Variants in HSPA12B observed in about 807,000 individuals in gnomAD.
HSPA12B encodes the protein heat shock 70 kDa protein 12B.
In HSPA12B, 54 loss-of-function variants were observed where a neutral mutation model predicts 69.3. The ratio of observed to expected loss-of-function variants is 0.78; its 90% CI spans 0.63 to 0.98. The LOEUF is 0.98. HSPA12B is among the 50% of genes least tolerant of loss of function. The pLI, the probability that HSPA12B is intolerant of heterozygous loss-of-function variation, is 0.00. For synonymous variants in HSPA12B, 441 were observed against 436.5 expected, an observed-to-expected ratio of 1.01 and a Z score of -0.13; for missense variants, 929 against 999.8, an observed-to-expected ratio of 0.93 and a Z score of 0.96.
chr20:3,737,186 A>G lies in HSPA12B; in HGVS notation c.-17-1472A>G, dbSNP rs781251558. Among the ~76,000 whole-genome samples, 4 of 152,230 alleles carry G rather than the reference A, an allele frequency of 2.6e-5. No individual in the cohort carries two copies. The highest frequency in any genetic ancestry group is 4.4e-5 in the Non-Finnish European group (3 of 68,040). ...TCTAACAAGCTTCCAGGTGATACCAATGCTGCTGATCCTCAGCCCACACTT... is the reference window on the plus strand; with the variant it reads ...TCTAACAAGCTTCCAGGTGATACCAGTGCTGCTGATCCTCAGCCCACACTT... On this transcript the variant is annotated intron_variant, in intron 1 of 12. Coordinates refer to ENST00000254963, the MANE Select transcript of HSPA12B (RefSeq NM_052970.5). This position sits in a 1 kb window ranked among gnomAD's most constrained non-coding sequence, Gnocchi z 4.1.
Position 3,748,242 on chromosome 20 carries a change from C to T in HSPA12B, c.701C>T (p.Ala234Val). ...GCTGGACTAGTGTCCCGAGAGAATG[C>T]AGAGCAGCTACTCATCGCCCTGGAG... ...YLAGLVSRENAEQLLIALEPE... is the reference protein window; with the variant it reads ...YLAGLVSRENVEQLLIALEPE... Residue 234 changes from alanine (A) to valine (V), a missense_variant, in exon 8 of 13, where the codon GCA becomes GTA. By Grantham distance (64) the Ala-to-Val change is moderately conservative. Coordinates refer to ENST00000254963, the MANE Select transcript of HSPA12B (RefSeq NM_052970.5). The T allele has an allele frequency of 6.3e-7, 1 of 1,589,660 alleles. No individual in the cohort carries two copies. Among genetic ancestry groups the T allele is most frequent in the Non-Finnish European group, 8.6e-7 (1 of 1,166,432 alleles).
rs780943685 is a variant in HSPA12B, at chr20:3,745,941, G to T, written c.585G>T (p.Leu195=). 1 of 1,614,100 alleles carries T rather than the reference G, an allele frequency of 6.2e-7. No individual in the cohort carries two copies. The highest frequency in any genetic ancestry group is 1.7e-5 in the Admixed American group (1 of 60,028). The part of the protein sequence containing the change: ...LQELREQSPS[L]PEKDTVRWVL... The stretch of plus-strand genomic sequence containing the variant: ...AGCTGAGGGAGCAGAGCCCATCGCT[G>T]CCAGAGAAGGACACTGTGCGCTGGG... Residue 195 remains leucine (L), a synonymous_variant, in exon 7 of 13, where the codon CTG becomes CTT. Coordinates refer to ENST00000254963, the MANE Select transcript of HSPA12B (RefSeq NM_052970.5). The surrounding 1 kb of genome is among the most constrained non-coding windows in gnomAD (Gnocchi z 5.6).
intron 3 of HSPA12B, among the ~76,000 whole-genome samples, chr20:3,741,763 G>C (rs1482295790): frequency 6.6e-6 from 1 of 152,254 alleles, no homozygotes; most frequent in Non-Finnish European, 1.5e-5. Flanking sequence ...TCTTAGGGGA[G>C]TCCAGCCCTG....
In HSPA12B at chr20:3,752,011, CCCGCCGACTGCGGCCAGGACA is replaced by C. The variant is rs1568481808; in HGVS notation, c.1913_1933del (p.Asp638_Ala644del). The C allele has an allele frequency of 3.2e-6, 5 of 1,566,068 alleles. No homozygotes were observed. In the South Asian group the frequency reaches 5.7e-5, roughly 18 times the overall value. On this transcript the variant is annotated inframe_deletion, in exon 13 of 13. Transcript: ENST00000254963. ...CGGCGCGCTCAGCCTCGAGCTTGAG[CCCGCCGACTGCGGCCAGGACA>C]CCGCCGGCGCGCCTCCCGGCCGCCG...
intron 7 of HSPA12B, among the ~76,000 whole-genome samples, chr20:3,747,302 G>C (rs1191960757): frequency 1.3e-5 from 2 of 152,160 alleles, no homozygotes; most frequent in Admixed American, 1.3e-4. Context: ...CCCAGGGCCA[G>C]GTCTGTAAAT....
chr20:3,733,429 A>G (rs2088061435), intron 1 of HSPA12B, among the ~76,000 whole-genome samples: 1 of 152,106 alleles, frequency 6.6e-6, no homozygotes, highest in Admixed American at 6.5e-5. Context: ...CAGGAATCCC[A>G]GGCCAGAGGG....
intron 2 of HSPA12B, among the ~76,000 whole-genome samples, chr20:3,739,974 T>TA (rs2088171131): frequency 6.6e-6 from 1 of 152,166 alleles, no homozygotes; most frequent in Non-Finnish European, 1.5e-5. Context: ...TGGTGGCAGC[T>TA]ACCAGCCAGG....
rs1199799999 is a variant in HSPA12B at position 3,752,625 on chromosome 20, A to T, written c.*459A>T. ...ACCGACTCAGCCCCAACCGGGAGCCAGGCAGAAAAACCCTGTGCCGTAGGA... is the reference window on the plus strand; with the variant it reads ...ACCGACTCAGCCCCAACCGGGAGCCTGGCAGAAAAACCCTGTGCCGTAGGA... On this transcript the variant is annotated 3_prime_UTR_variant, in exon 13 of 13. Coordinates refer to ENST00000254963, the MANE Select transcript of HSPA12B (RefSeq NM_052970.5). 6.2e-6 allele frequency: 1 copy of T among 161,186 alleles called. No individual in the cohort carries two copies. The allele number at this position is 161,186 out of a possible 1,614,324, so 10.0% of individuals were successfully genotyped here. A position where few individuals can be genotyped will look rare whatever the true frequency, so the allele number is the denominator to read the frequency against.
At chr20:3,746,231 A>T (rs539025933) in intron 7 of HSPA12B, among the ~76,000 whole-genome samples, 200 bp downstream of exon 7, 34 of 151,378 alleles carry the variant, frequency 2.2e-4, no homozygotes, top group Non-Finnish European at 1.5e-5. Context: ...GGGACAAAAG[A>T]CACAGCCCAG....
In HSPA12B at chr20:3,749,111, G is replaced by A; in HGVS notation, c.851-121G>A. The A allele has an allele frequency of 3.8e-6, 3 of 799,536 alleles. No homozygotes were observed. The highest frequency in any genetic ancestry group is 6.1e-6 in the Non-Finnish European group (3 of 495,100). The allele number at this position is 799,536 out of a possible 1,614,324, so 49.5% of individuals were successfully genotyped here. ...CTCTCCCAGTCAGGAGCAGGTTGGA[G>A]TTTCAGGAGCACTGGCTGCTCCCAG... On this transcript the variant is annotated intron_variant, in intron 8 of 12. Coordinates refer to ENST00000254963, the MANE Select transcript of HSPA12B (RefSeq NM_052970.5). The surrounding 1 kb of genome is among the most constrained non-coding windows in gnomAD (Gnocchi z 5.5).
Position 3,744,892 on chromosome 20 carries a change from G to A in HSPA12B, c.267-10G>A. On this transcript the variant is annotated splice_polypyrimidine_tract_variant and intron_variant, in intron 4 of 12. Transcript: ENST00000254963. The surrounding 1 kb of genome is among the most constrained non-coding windows in gnomAD (Gnocchi z 4.9). ...GGGAGGGTTGCACTGACTGCCCTGTGCCTCCGCAGGAAATGGGAGGGCGGA... is the reference window on the plus strand; with the variant it reads ...GGGAGGGTTGCACTGACTGCCCTGTACCTCCGCAGGAAATGGGAGGGCGGA... The A allele has an allele frequency of 6.2e-7, 1 of 1,611,110 alleles. No homozygotes were observed. Among genetic ancestry groups the A allele is most frequent in the East Asian group, 2.2e-5 (1 of 44,888 alleles).
In HSPA12B at chr20:3,752,596, A is replaced by G. The variant is rs941483789; in HGVS notation, c.*430A>G. ...GGACCTGCAGGGCTGAAGTTCACTC[A>G]TCGACCGACTCAGCCCCAACCGGGA... On this transcript the variant is annotated 3_prime_UTR_variant, in exon 13 of 13. Transcript: ENST00000254963. The G allele has an allele frequency of 6.0e-6, 1 of 167,242 alleles. No homozygotes were observed. Among genetic ancestry groups the G allele is most frequent in the African/African-American group, 2.4e-5 (1 of 41,944 alleles). The allele number at this position is 167,242 out of a possible 1,614,324, so 10.4% of individuals were successfully genotyped here.
intron 7 of HSPA12B, among the ~76,000 whole-genome samples, chr20:3,747,002 G>A (rs934077250): frequency 1.3e-5 from 2 of 152,082 alleles, no homozygotes; most frequent in African/African-American, 2.4e-5. Flanking sequence ...CCCCACCACC[G>A]CCCACCTTTG....
chr20:3,737,616 G>T lies in HSPA12B; in HGVS notation c.-17-1042G>T, dbSNP rs1159317088. On this transcript the variant is annotated intron_variant, in intron 1 of 12. Coordinates refer to ENST00000254963, the MANE Select transcript of HSPA12B (RefSeq NM_052970.5). The surrounding 1 kb of genome is among the most constrained non-coding windows in gnomAD (Gnocchi z 4.1). ...GGTACAATCTTCATGAGACCATGAGGCATCTCAGTCTCCTGGGCCGGTATA... is the reference window on the plus strand; with the variant it reads ...GGTACAATCTTCATGAGACCATGAGTCATCTCAGTCTCCTGGGCCGGTATA... 6.6e-6 allele frequency among the ~76,000 whole-genome samples: 1 copy of T among 152,108 alleles called. No homozygotes were observed. Among genetic ancestry groups the T allele is most frequent in the Non-Finnish European group, 1.5e-5 (1 of 68,034 alleles).
rs2088445171 is a variant in HSPA12B, at chr20:3,752,419, G to C, written c.*253G>C. On this transcript the variant is annotated 3_prime_UTR_variant, in exon 13 of 13. Coordinates refer to ENST00000254963, the MANE Select transcript of HSPA12B (RefSeq NM_052970.5). ...GCCAAGGACTGAACGGGTAAGAGAA[G>C]AGGTTTGCAAGACAGAGCGCGCAGC... The C allele has an allele frequency of 2.4e-6, 1 of 416,876 alleles. No individual in the cohort carries two copies. Among genetic ancestry groups the C allele is most frequent in the Non-Finnish European group, 4.2e-6 (1 of 237,220 alleles). The allele number at this position is 416,876 out of a possible 1,614,324, so 25.8% of individuals were successfully genotyped here.
chr20:3,745,537 GATGCCCGCCCTGGAGGTGTTCGCCC>G lies in HSPA12B; in HGVS notation c.505_529del (p.Ala169CysfsTer12). On this transcript the variant is annotated frameshift_variant, in exon 6 of 13. Transcript: ENST00000254963. LOFTEE classifies it high-confidence loss of function. This position sits in a 1 kb window ranked among gnomAD's most constrained non-coding sequence, Gnocchi z 5.6. ...AGCTAGAGGCAGTAAATGGAAAGACGATGCCCGCCCTGGAGGTGTTCGCCCATGCCCTGCGCTTCTTCAGGGAGCA... is the reference window on the plus strand; with the variant it reads ...AGCTAGAGGCAGTAAATGGAAAGACGATGCCCTGCGCTTCTTCAGGGAGCA... 6.2e-7 allele frequency: 1 copy of G among 1,614,172 alleles called. No homozygotes were observed. Among genetic ancestry groups the G allele is most frequent in the Non-Finnish European group, 8.5e-7 (1 of 1,180,036 alleles).
chr20:3,748,388 C>T lies in HSPA12B; in HGVS notation c.847C>T (p.Gln283Ter). 1 of 1,589,796 alleles carries T rather than the reference C, an allele frequency of 6.3e-7. No homozygotes were observed. The highest frequency in any genetic ancestry group is 1.3e-5 in the African/African-American group (1 of 74,108). The change falls in exon 8 of 13, where the codon CAG (glutamine) becomes TAG (stop). Residue 283 changes from glutamine (Q) to a stop codon, truncating the protein, a stop_gained. Transcript: ENST00000254963. LOFTEE classifies it high-confidence loss of function. Reference protein sequence around the residue: ...ERRSIDSSFRQAREQLRRSRH... With the variant: ...ERRSIDSSFR ...CCGCTCCATCGACTCCAGCTTCCGT[C>T]AGGGTGAGCTGCCCCCGGGGACACC...
intron 1 of HSPA12B, among the ~76,000 whole-genome samples, chr20:3,733,417 C>G (rs1018028749): frequency 5.3e-5 from 8 of 152,038 alleles, no homozygotes; most frequent in African/African-American, 1.9e-4. Context: ...GCAGACGCAG[C>G]GCAGGAATCC....
At position 3,746,011 on chromosome 20, in the gene HSPA12B, A is replaced by G. The variant is rs1281552190; in HGVS notation, c.655A>G (p.Met219Val). The G allele has an allele frequency of 1.9e-6, 3 of 1,613,876 alleles. No homozygotes were observed. In the East Asian group the frequency reaches 6.7e-5, roughly 36 times the overall value. ...CTGGAAACAGCCAGCCAAGCAGTTCATGCGGGAGGCTGCCTACCTGGTGAG... is the reference window on the plus strand; with the variant it reads ...CTGGAAACAGCCAGCCAAGCAGTTCGTGCGGGAGGCTGCCTACCTGGTGAG... The part of the protein sequence containing the change: ...AIWKQPAKQF[M>V]REAAYLAGLV... Residue 219 changes from methionine to valine, a missense_variant, in exon 7 of 13, where the codon ATG becomes GTG. Around this residue, in one of 3 missense-constraint regions of HSPA12B, gnomAD observed 477 missense variants for 535.2 expected, o/e 0.89. Transcript: ENST00000254963.
Sources: gnomAD v4.1 joint callset for allele counts (sites outside exome capture counted in the v4.1 genomes callset) on GRCh38, gnomAD v4.1.1 for gene constraint, gnomAD v4.1.1 regional missense constraint, Gnocchi (gnomAD v3.1) non-coding constraint, MANE v1.5 for transcripts, NCBI Gene and HGNC (gene_info 2026-07-23, HGNC 2026-07-21) for gene names.